Variants in BDP1 observed in about 807,000 individuals in gnomAD.
The protein encoded by BDP1 is transcription factor TFIIIB component B'' homolog.
BDP1 carries 169 observed loss-of-function variants against 266.6 expected under a neutral mutation model. That is an observed-to-expected ratio of 0.63 (90% CI 0.56 to 0.72). BDP1 has a LOEUF of 0.72. Ranked by LOEUF, BDP1 falls within the 30% of genes least tolerant of loss-of-function variation. The probability of loss-of-function intolerance (pLI) is 0.00; values close to 1 mark genes in which losing one functional copy is unlikely to be tolerated. For synonymous variants in BDP1, 1,090 were observed against 1,022.4 expected, an observed-to-expected ratio of 1.07 and a Z score of -1.26; for missense variants, 3,015 against 3,053.8, an observed-to-expected ratio of 0.99 and a Z score of 0.30.
chr5:71,493,499 C>T (rs1267855021), intron 11 of BDP1, among the ~76,000 whole-genome samples: 2 of 152,146 alleles, frequency 1.3e-5, no homozygotes, highest in African/African-American at 2.4e-5. Context: ...AATCCTCGCA[C>T]CTCAGCATGA....
chr5:71,490,255 A>C (rs977854669), intron 10 of BDP1, among the ~76,000 whole-genome samples: 11 of 152,212 alleles, frequency 7.2e-5, no homozygotes, highest in African/African-American at 2.7e-4. Context: ...GCAGACCAGA[A>C]CAACCTTTCT....
At chr5:71,525,801 G>A (rs924766051) in intron 25 of BDP1, among the ~76,000 whole-genome samples, 5 of 152,058 alleles carry the variant, frequency 3.3e-5, no homozygotes, top group Non-Finnish European at 7.4e-5. Context: ...TCCCAGACGG[G>A]GTGGCTGCTG....
At position 71,513,728 on chromosome 5, in the gene BDP1, T is replaced by G. The variant is rs372201967; in HGVS notation, c.4470+321T>G. On this transcript the variant is annotated intron_variant, in intron 19 of 38. Coordinates refer to ENST00000358731, the MANE Select transcript of BDP1 (RefSeq NM_018429.3). ...ATAATAGTTTTTTATTTTTTTTATT[T>G]TTATTTTTTTGAGATGAAGTCTCAC... Among the ~76,000 whole-genome samples the G allele has an allele frequency of 1.1e-4, 16 of 152,064 alleles. No individual in the cohort carries two copies. The East Asian group carries it at 1.2e-3, about 11-fold the overall frequency.
chr5:71,488,754 C>G (rs568980734), intron 9 of BDP1, among the ~76,000 whole-genome samples: 106 of 149,246 alleles, frequency 7.1e-4, no homozygotes, highest in African/African-American at 2.6e-3. Context: ...GTTGCCCAGG[C>G]TGGAGTGCAA....
At chr5:71,569,799 C>T (rs890463564), downstream of BDP1, among the ~76,000 whole-genome samples, 2 of 152,058 alleles carry the variant, frequency 1.3e-5, no homozygotes, top group African/African-American at 4.8e-5. Flanking sequence ...CGTCAGACAT[C>T]TCCATTTAAA....
intron 26 of BDP1, among the ~76,000 whole-genome samples, chr5:71,535,531 A>T (rs1766542551): frequency 6.6e-6 from 1 of 152,044 alleles, no homozygotes; most frequent in Admixed American, 6.6e-5. Context: ...TAAGTCGGGT[A>T]CTCTTTGCAC....
intron 9 of BDP1, among the ~76,000 whole-genome samples, chr5:71,487,873 G>A (rs1287373282): frequency 2.0e-5 from 3 of 152,174 alleles, no homozygotes; most frequent in Non-Finnish European, 4.4e-5. Context: ...CTGAGACATG[G>A]CCCAAGGGCC....
At position 71,551,875 on chromosome 5, in the gene BDP1, C is replaced by T. The variant is rs543511864; in HGVS notation, c.6996-1241C>T. On this transcript the variant is annotated intron_variant, in intron 34 of 38. Transcript: ENST00000358731. ...CCAGACAGAGGCGCCCCTCACCTCCCGGACGGGGCAGCTGGCCAGGCGGGG... is the reference window on the plus strand; with the variant it reads ...CCAGACAGAGGCGCCCCTCACCTCCTGGACGGGGCAGCTGGCCAGGCGGGG... 6.1e-3 allele frequency among the ~76,000 whole-genome samples: 927 copies of T among 150,870 alleles called. 40 individuals are homozygous for T. Among genetic ancestry groups the T allele is most frequent in the Admixed American group, 0.055 (840 of 15,184 alleles).
chr5:71,500,585 C>T (rs1267986725), intron 13 of BDP1, among the ~76,000 whole-genome samples: 1 of 151,852 alleles, frequency 6.6e-6, no homozygotes, highest in East Asian at 1.9e-4. Flanking sequence ...CCTCAGCCTC[C>T]GAAAGTGCTG....
At chr5:71,506,414 C>A (rs2432060) in intron 16 of BDP1, among the ~76,000 whole-genome samples, 68,194 of 151,902 alleles carry the variant, frequency 0.45, 15,676 homozygotes, top group South Asian at 0.55. Flanking sequence ...TCCTACTCCA[C>A]ATATGTTGGC....
intron 15 of BDP1, 103 bp downstream of exon 15, chr5:71,502,894 T>C (rs1263598800): frequency 1.3e-6 from 1 of 780,798 alleles, no homozygotes; most frequent in Non-Finnish European, 2.0e-6. Flanking sequence ...TACATACATT[T>C]ATTTATTTAT....
intron 9 of BDP1, among the ~76,000 whole-genome samples, chr5:71,488,343 G>T (rs1398579650): frequency 6.6e-6 from 1 of 151,694 alleles, no homozygotes; most frequent in Non-Finnish European, 1.5e-5. Context: ...GGCCAGACTG[G>T]TCTTAAACCC....
intron 15 of BDP1, 42 bp downstream of exon 15, chr5:71,502,833 A>T: frequency 1.3e-6 from 2 of 1,493,226 alleles, no homozygotes; most frequent in South Asian, 1.2e-5. Context: ...GTAAGCAAGT[A>T]CATGAGCCTT....
At chr5:71,562,553 A>G (rs767031069) in intron 38 of BDP1, 33 bp downstream of exon 38, 12 of 1,595,740 alleles carry the variant, frequency 7.5e-6, no homozygotes, top group Middle Eastern at 3.4e-4. Context: ...TATAGTTTGT[A>G]TGAGATGGGT....
Position 71,458,874 on chromosome 5 carries a change from G to A in BDP1, c.489+19G>A. 6.3e-7 allele frequency: 1 copy of A among 1,590,704 alleles called. No individual in the cohort carries two copies. Among genetic ancestry groups the A allele is most frequent in the Non-Finnish European group, 8.5e-7 (1 of 1,172,984 alleles). ...AGAGAAGGTAAGGGAGGAGAATCAG[G>A]ATTTTGATGTTGCCTTCTATTTATG... On this transcript the variant is annotated intron_variant, in intron 2 of 38. Coordinates refer to ENST00000358731, the MANE Select transcript of BDP1 (RefSeq NM_018429.3).
At chr5:71,550,587 C>T (rs1742675354) in intron 34 of BDP1, among the ~76,000 whole-genome samples, 1 of 152,142 alleles carries the variant, frequency 6.6e-6, no homozygotes, top group Non-Finnish European at 1.5e-5. Context: ...CAGGCATGAG[C>T]CACTGTGCCC....
chr5:71,525,181 G>C (rs1262056384), intron 25 of BDP1, among the ~76,000 whole-genome samples: 2 of 152,184 alleles, frequency 1.3e-5, no homozygotes, highest in African/African-American at 2.4e-5. Flanking sequence ...TGGCCGGGCA[G>C]AGGGGCTACT....
intron 8 of BDP1, among the ~76,000 whole-genome samples, chr5:71,484,993 G>C (rs1185801208): frequency 1.3e-5 from 2 of 152,250 alleles, no homozygotes; most frequent in South Asian, 2.1e-4. Flanking sequence ...AGAAGATCTG[G>C]AATATTGTGC....
At chr5:71,511,670 A>G (rs1425915576) in intron 17 of BDP1, among the ~76,000 whole-genome samples, 1 of 152,024 alleles carries the variant, frequency 6.6e-6, no homozygotes, top group East Asian at 1.9e-4. Flanking sequence ...AATAATTTCC[A>G]ACTGTGAAAA....
Sources: allele counts gnomAD v4.1 joint callset (sites outside exome capture counted in the v4.1 genomes callset), GRCh38; gene constraint gnomAD v4.1.1; transcripts MANE v1.5; gene names NCBI Gene and HGNC (gene_info 2026-07-23, HGNC 2026-07-21).